The following LAMA4 variants were observed in gnomAD, a reference collection of about 807,000 sequenced individuals.
The protein encoded by LAMA4 is laminin subunit alpha-4.
In LAMA4, 127 loss-of-function variants were observed where a neutral mutation model predicts 207.1. That is an observed-to-expected ratio of 0.61 (90% CI 0.53 to 0.71). LAMA4 has a LOEUF of 0.71. Ranked by LOEUF, LAMA4 falls within the 30% of genes least tolerant of loss-of-function variation. The probability of loss-of-function intolerance (pLI) is 0.00; values close to 1 mark genes in which losing one functional copy is unlikely to be tolerated. For synonymous variants in LAMA4, 761 were observed against 816.0 expected (o/e 0.93, Z 1.15); for missense variants, 2,093 against 2,246.5 (o/e 0.93, Z 1.38).
chr6:112,241,484 T>C (rs1413129631), intron 2 of LAMA4, among the ~76,000 whole-genome samples: 1 of 152,026 alleles, frequency 6.6e-6, no homozygotes, highest in Non-Finnish European at 1.5e-5. Context: ...AAACAGATGT[T>C]AGAGGGTCAT....
At chr6:112,148,039 T>C in intron 18 of LAMA4, 118 bp downstream of exon 18, 1 of 900,792 alleles carries the variant, frequency 1.1e-6, no homozygotes, top group Non-Finnish European at 1.8e-6. Context: ...CTAAGCTAAC[T>C]TCTATAATTT....
rs76416705 is a variant in LAMA4, at chr6:112,235,823, G to A, written c.195+18133C>T. 4.5e-3 allele frequency among the ~76,000 whole-genome samples: 681 copies of A among 152,158 alleles called. 5 individuals are homozygous for A. The highest frequency in any genetic ancestry group is 0.016 in the African/African-American group (644 of 41,496). Reference sequence around the variant, plus strand: ...TAGGTGCTGAGAGCATGGTTTAAGGGGTTGATAGCATATGGGGCCAAGGCA... The same window carrying A: ...TAGGTGCTGAGAGCATGGTTTAAGGAGTTGATAGCATATGGGGCCAAGGCA... On this transcript the variant is annotated intron_variant, in intron 2 of 38. Coordinates refer to ENST00000230538, the MANE Select transcript of LAMA4 (RefSeq NM_001105206.3).
chr6:112,217,051 G>T (rs908140339), intron 2 of LAMA4, among the ~76,000 whole-genome samples: 32 of 152,236 alleles, frequency 2.1e-4, no homozygotes, highest in African/African-American at 7.5e-4. Context: ...GTCCTGTGTG[G>T]GTGCTGTTCA....
At chr6:112,196,331 A>C (rs1583861417) in intron 5 of LAMA4, 1 of 141,308 alleles carries the variant, frequency 7.1e-6, no homozygotes. Context: ...TTCCCCCATC[A>C]CTTACCACCT....
At chr6:112,190,267 G>A (rs1782938022) in intron 6 of LAMA4, among the ~76,000 whole-genome samples, 1 of 152,178 alleles carries the variant, frequency 6.6e-6, no homozygotes, top group Admixed American at 6.5e-5. Context: ...TATTTCTGCT[G>A]TCCGCCTTCT....
intron 2 of LAMA4, among the ~76,000 whole-genome samples, chr6:112,223,001 A>G (rs1785009915): frequency 6.6e-6 from 1 of 152,202 alleles, no homozygotes. Flanking sequence ...TGTTGCTTAT[A>G]TAACATAACG....
chr6:112,173,439 T>A (rs1781841018), intron 11 of LAMA4, among the ~76,000 whole-genome samples: 1 of 152,234 alleles, frequency 6.6e-6, no homozygotes, highest in Admixed American at 6.5e-5. Context: ...TTTTCTTCCA[T>A]CACTGTAAGC....
intron 9 of LAMA4, among the ~76,000 whole-genome samples, chr6:112,181,864 C>T (rs782806546): frequency 2.0e-4 from 30 of 152,002 alleles, no homozygotes; most frequent in African/African-American, 6.3e-4. Flanking sequence ...TTTGGGAGGC[C>T]GAGGCGGGTG....
In LAMA4 at chr6:112,130,059, T is replaced by C; in HGVS notation, c.3969-19A>G. On this transcript the variant is annotated intron_variant, in intron 29 of 38. Transcript: ENST00000230538. ...TTCATATCTGCAAAAGAAAAAGGCT[T>C]CTTTACATACCACAGAGCTAGCATT... is the stretch of plus-strand genomic sequence containing the variant. 2 of 1,608,986 alleles carry C rather than the reference T, an allele frequency of 1.2e-6. No homozygotes were observed. The highest frequency in any genetic ancestry group is 1.7e-6 in the Non-Finnish European group (2 of 1,176,656).
chr6:112,139,349 T>A, intron 23 of LAMA4, 58 bp from the exon 24 acceptor site: 1 of 1,578,356 alleles, frequency 6.3e-7, no homozygotes, highest in Non-Finnish European at 8.7e-7. Flanking sequence ...GCTTTTCAAG[T>A]GAAGCCCTTT....
chr6:112,238,238 C>T (rs1301149925), intron 2 of LAMA4, among the ~76,000 whole-genome samples: 3 of 152,160 alleles, frequency 2.0e-5, no homozygotes, highest in South Asian at 2.1e-4. Context: ...GTGCTTGTTT[C>T]GTCTGTGTTT....
At chr6:112,151,842 T>C (rs1554335823) in intron 16 of LAMA4, among the ~76,000 whole-genome samples, 1 of 152,140 alleles carries the variant, frequency 6.6e-6, no homozygotes, top group Non-Finnish European at 1.5e-5. Flanking sequence ...GAAAGTCTTT[T>C]TTAAAAGTCA....
intron 18 of LAMA4, among the ~76,000 whole-genome samples, chr6:112,145,502 G>A (rs1020109175): frequency 7.9e-5 from 12 of 152,246 alleles, no homozygotes; most frequent in African/African-American, 2.2e-4. Context: ...GCAAGAGCAA[G>A]CCGACTGCTC....
rs147257459 is a variant in LAMA4, at chr6:112,232,142, A to C, written c.196-15673T>G. Among the ~76,000 whole-genome samples the C allele has an allele frequency of 6.0e-3, 908 of 152,340 alleles. 15 individuals are homozygous for C. Among genetic ancestry groups the C allele is most frequent in the African/African-American group, 0.021 (864 of 41,582 alleles). On this transcript the variant is annotated intron_variant, in intron 2 of 38. Transcript: ENST00000230538. Reference sequence around the variant, plus strand: ...AGTCGGCTCAGGGACACTGGTAACAAGGCCATTTCCAAATAGTTCATTAAT... The same window carrying C: ...AGTCGGCTCAGGGACACTGGTAACACGGCCATTTCCAAATAGTTCATTAAT...
chr6:112,122,682 G>A (rs1247814894), intron 31 of LAMA4, among the ~76,000 whole-genome samples: 1 of 152,152 alleles, frequency 6.6e-6, no homozygotes, highest in Admixed American at 6.6e-5. Flanking sequence ...TATTTTTGGT[G>A]ATAGGATATG....
At chr6:112,190,885 TTC>T (rs1554348409) in intron 6 of LAMA4, among the ~76,000 whole-genome samples, 6 of 60,798 alleles carry the variant, frequency 9.9e-5, no homozygotes, top group South Asian at 7.6e-4. Context: ...CTTTCTTTCT[TTC>T]TTTCTTTCTT....
Position 112,134,614 on chromosome 6 carries a change from G to T in LAMA4, c.3415-5C>A. 1 of 1,599,790 alleles carries T rather than the reference G, an allele frequency of 6.3e-7. No individual in the cohort carries two copies. The highest frequency in any genetic ancestry group is 1.1e-5 in the South Asian group (1 of 90,798). The stretch of plus-strand genomic sequence containing the variant: ...ATTGTGGTAAATGATTGAGATCTGG[G>T]AGAGATAATATATAGTAAGCCTTGA... On this transcript the variant is annotated splice_polypyrimidine_tract_variant and splice_region_variant and intron_variant, in intron 25 of 38. Coordinates refer to ENST00000230538, the MANE Select transcript of LAMA4 (RefSeq NM_001105206.3).
intron 5 of LAMA4, among the ~76,000 whole-genome samples, 169 bp from the exon 6 acceptor site, chr6:112,192,019 C>A (rs986553471): frequency 2.0e-5 from 3 of 152,210 alleles, no homozygotes; most frequent in African/African-American, 4.8e-5. Context: ...TTTTAAGGAA[C>A]TACCCCTCCC....
chr6:112,164,456 A>G (rs1421271909), intron 13 of LAMA4, among the ~76,000 whole-genome samples: 4 of 152,084 alleles, frequency 2.6e-5, no homozygotes, highest in African/African-American at 9.7e-5. Context: ...GGACTGGAGG[A>G]TAAGCTTGCT....
Sources: allele counts gnomAD v4.1 joint callset (sites outside exome capture counted in the v4.1 genomes callset), GRCh38; gene constraint gnomAD v4.1.1; transcripts MANE v1.5; gene names NCBI Gene and HGNC (gene_info 2026-07-23, HGNC 2026-07-21).